The following MED27 variants were observed in gnomAD, a reference collection of about 807,000 sequenced individuals.
MED27 encodes the protein mediator of RNA polymerase II transcription subunit 27.
Under a neutral mutation model 38.2 loss-of-function variants are expected in MED27, and 30 were observed. The observed-to-expected ratio is 0.79, with a 90% confidence interval of 0.59 to 1.07. MED27 has a LOEUF of 1.07. MED27 is among the 50% of genes least tolerant of loss of function. The pLI, the probability that MED27 is intolerant of heterozygous loss-of-function variation, is 0.00. For missense variants in MED27, 289 were observed against 397.5 expected (o/e 0.73, Z 2.32); for synonymous variants, 122 against 153.5 (o/e 0.79, Z 1.52).
At chr9:131,874,445 G>A (rs1417942389) in intron 6 of MED27, among the ~76,000 whole-genome samples, 1 of 152,288 alleles carries the variant, frequency 6.6e-6, no homozygotes, top group African/African-American at 2.4e-5. Flanking sequence ...CTCAGCACTG[G>A]GTACGGCTCA....
intron 4 of MED27, among the ~76,000 whole-genome samples, chr9:131,920,115 T>C (rs1449572266): frequency 6.6e-6 from 1 of 152,192 alleles, no homozygotes; most frequent in African/African-American, 2.4e-5. Context: ...CTGGCCTTAA[T>C]GCATGATTCT....
At chr9:131,960,770 G>GA (rs1234337335) in intron 3 of MED27, among the ~76,000 whole-genome samples, 3 of 152,150 alleles carry the variant, frequency 2.0e-5, no homozygotes, top group African/African-American at 7.2e-5. Flanking sequence ...ACAACAAGGG[G>GA]AGAGTGTCTA....
chr9:131,876,286 T>G (rs1045994050), intron 6 of MED27, among the ~76,000 whole-genome samples: 2 of 152,148 alleles, frequency 1.3e-5, no homozygotes, highest in African/African-American at 2.4e-5. Context: ...ACTCTGTGAC[T>G]CCTCTAATGG....
chr9:131,991,943 G>A (rs1173359198), intron 3 of MED27, among the ~76,000 whole-genome samples: 2 of 152,066 alleles, frequency 1.3e-5, no homozygotes, highest in Admixed American at 6.5e-5. Context: ...GGATGGTCTC[G>A]ATCTCCTGAC....
chr9:131,876,144 G>C (rs1838928351), intron 6 of MED27, among the ~76,000 whole-genome samples: 1 of 152,242 alleles, frequency 6.6e-6, no homozygotes, highest in South Asian at 2.1e-4. Flanking sequence ...AGCCCTATGG[G>C]CTGAGGACGG....
In MED27 at chr9:131,975,264, A is replaced by G. The variant is rs80302622; in HGVS notation, c.480-35790T>C. Reference sequence around the variant, plus strand: ...TTAGCATTGTACCTCCACTATGAGAAGTTCACCTACTTCTTAAAAATTGCA... The same window carrying G: ...TTAGCATTGTACCTCCACTATGAGAGGTTCACCTACTTCTTAAAAATTGCA... On this transcript the variant is annotated intron_variant, in intron 3 of 7. Transcript: ENST00000292035. 4.7e-3 allele frequency among the ~76,000 whole-genome samples: 717 copies of G among 152,348 alleles called. 10 individuals carry two copies. Among genetic ancestry groups the G allele is most frequent in the African/African-American group, 0.016 (668 of 41,578 alleles).
chr9:131,904,952 C>T (rs1830025566), intron 4 of MED27, among the ~76,000 whole-genome samples: 1 of 152,164 alleles, frequency 6.6e-6, no homozygotes, highest in Non-Finnish European at 1.5e-5. Flanking sequence ...CTCATCTCGT[C>T]TCCCTTTCAA....
At chr9:131,863,928 AC>A (rs1218627271) in intron 6 of MED27, among the ~76,000 whole-genome samples, 1 of 152,136 alleles carries the variant, frequency 6.6e-6, no homozygotes, top group Non-Finnish European at 1.5e-5. Flanking sequence ...TGGACAGAGC[AC>A]AGGGTTTAAG....
chr9:131,957,820 T>C (rs1303662414), intron 3 of MED27, among the ~76,000 whole-genome samples: 2 of 151,736 alleles, frequency 1.3e-5, no homozygotes, highest in East Asian at 1.9e-4. Flanking sequence ...GGTTCACGTC[T>C]GTAATCCTAG....
chr9:131,997,040 T>C lies in MED27; in HGVS notation c.479+17297A>G, dbSNP rs1832106572. Among the ~76,000 whole-genome samples the C allele has an allele frequency of 6.6e-6, 1 of 152,194 alleles. No homozygotes were observed. The highest frequency in any genetic ancestry group is 2.4e-5 in the African/African-American group (1 of 41,456). The stretch of plus-strand genomic sequence containing the variant: ...GACTATGGTGGGGGATGGGTACCCC[T>C]AACGCTGTGTTAAGGGTCAACTGTA... On this transcript the variant is annotated intron_variant, in intron 3 of 7. Transcript: ENST00000292035. This position sits in a 1 kb window ranked among gnomAD's most constrained non-coding sequence, Gnocchi z 4.0.
intron 2 of MED27, among the ~76,000 whole-genome samples, chr9:132,035,566 C>T (rs1452050617): frequency 1.3e-5 from 2 of 152,130 alleles, no homozygotes; most frequent in Non-Finnish European, 2.9e-5. Context: ...TGCGAAGGGA[C>T]CACTTGAGCT....
intron 2 of MED27, among the ~76,000 whole-genome samples, chr9:132,040,593 T>C (rs1215869304): frequency 6.6e-6 from 1 of 152,238 alleles, no homozygotes; most frequent in African/African-American, 2.4e-5. Context: ...TACTTTTAGC[T>C]GGGAGCAGAC....
At chr9:131,944,681 G>A (rs1156682682) in intron 3 of MED27, among the ~76,000 whole-genome samples, 1 of 151,862 alleles carries the variant, frequency 6.6e-6, no homozygotes, top group Non-Finnish European at 1.5e-5. Flanking sequence ...ACAGGCACCC[G>A]CCACCATGCC....
At chr9:131,969,217 C>T (rs1291604331) in intron 3 of MED27, among the ~76,000 whole-genome samples, 4 of 141,294 alleles carry the variant, frequency 2.8e-5, no homozygotes, top group Non-Finnish European at 4.6e-5. Flanking sequence ...GTATCTTTCA[C>T]GAACCAGCCC....
intron 2 of MED27, among the ~76,000 whole-genome samples, chr9:132,031,668 C>T (rs1832963852): frequency 1.3e-5 from 2 of 152,102 alleles, no homozygotes; most frequent in Non-Finnish European, 2.9e-5. Flanking sequence ...AAGGAGTTGC[C>T]TCTGAGGAGT....
At chr9:132,041,801 G>A (rs114287381) in intron 2 of MED27, among the ~76,000 whole-genome samples, 2,169 of 152,362 alleles carry the variant, frequency 0.014, 54 homozygotes, top group African/African-American at 0.049. Flanking sequence ...AAACACGTTC[G>A]TGGGGCCTGG....
At chr9:131,934,136 TA>T (rs1451037605) in intron 4 of MED27, among the ~76,000 whole-genome samples, 2 of 152,166 alleles carry the variant, frequency 1.3e-5, no homozygotes, top group African/African-American at 4.8e-5. Flanking sequence ...ACAAATGGAT[TA>T]AAGACTTAAA....
intron 3 of MED27, among the ~76,000 whole-genome samples, chr9:131,947,008 C>T (rs902201687): frequency 2.0e-5 from 3 of 152,190 alleles, no homozygotes; most frequent in Non-Finnish European, 4.4e-5. Flanking sequence ...AACTCCCCTA[C>T]AGAATTCTAT....
intron 3 of MED27, among the ~76,000 whole-genome samples, chr9:131,972,608 C>T (rs942555402): frequency 9.2e-5 from 14 of 152,236 alleles, no homozygotes; most frequent in African/African-American, 3.4e-4. Flanking sequence ...CCAATTGTCC[C>T]GCTTCTCTCC....
Sources: allele counts gnomAD v4.1 joint callset (sites outside exome capture counted in the v4.1 genomes callset), GRCh38; gene constraint gnomAD v4.1.1; non-coding constraint Gnocchi (gnomAD v3.1); transcripts MANE v1.5; gene names NCBI Gene and HGNC (gene_info 2026-07-23, HGNC 2026-07-21).